The following SH3RF3 variants were observed in gnomAD, a reference collection of about 807,000 sequenced individuals.
SH3RF3 encodes SH3 domain containing ring finger 3.
Under a neutral mutation model 66.3 loss-of-function variants are expected in SH3RF3, and 29 were observed. The ratio of observed to expected loss-of-function variants is 0.44; its 90% CI spans 0.33 to 0.60. The LOEUF (loss-of-function observed/expected upper bound fraction) is 0.60. Ranked by LOEUF, SH3RF3 falls within the 20% of genes least tolerant of loss-of-function variation. The probability of loss-of-function intolerance (pLI) is 0.04; values close to 1 mark genes in which losing one functional copy is unlikely to be tolerated. For missense variants in SH3RF3, 1,194 were observed against 1,190.9 expected, an observed-to-expected ratio of 1.00 and a Z score of -0.04; for synonymous variants, 583 against 532.0, an observed-to-expected ratio of 1.10 and a Z score of -1.32.
At chr2:109,217,125 T>C (rs1442469162) in intron 1 of SH3RF3, among the ~76,000 whole-genome samples, 4 of 152,234 alleles carry the variant, frequency 2.6e-5, no homozygotes, top group African/African-American at 7.2e-5. Context: ...TCTTTAAGGC[T>C]AAATCCTATT....
chr2:109,456,374 C>T (rs546708527), intron 8 of SH3RF3, among the ~76,000 whole-genome samples: 21 of 152,344 alleles, frequency 1.4e-4, no homozygotes, highest in East Asian at 5.8e-4. Flanking sequence ...ATCCTGAAAG[C>T]GTGAATCCCA....
At chr2:109,404,471 CAG>C (rs1012670635) in intron 4 of SH3RF3, among the ~76,000 whole-genome samples, 2 of 152,126 alleles carry the variant, frequency 1.3e-5, no homozygotes. Flanking sequence ...GGGGCAGGGA[CAG>C]GGGACAGAAA....
intron 1 of SH3RF3, among the ~76,000 whole-genome samples, chr2:109,311,381 A>G (rs1326346324): frequency 2.3e-5 from 3 of 133,258 alleles, no homozygotes; most frequent in African/African-American, 8.7e-5. Context: ...CCCACAGCCA[A>G]TATCATACTG....
chr2:109,484,825 A>G lies in SH3RF3; in HGVS notation c.2149-5780A>G, dbSNP rs111735082. The stretch of plus-strand genomic sequence containing the variant: ...CTGTTTATTTCTGTGCTTTCCTGGG[A>G]CTGTCTGCAGGTGCTCCCAGGCCTC... On this transcript the variant is annotated intron_variant, in intron 8 of 9. Transcript: ENST00000309415. Among the ~76,000 whole-genome samples, 46 of 152,190 alleles carry G rather than the reference A, an allele frequency of 3.0e-4. 1 individual carries two copies. Among genetic ancestry groups the G allele is most frequent in the African/African-American group, 8.7e-4 (36 of 41,514 alleles).
chr2:109,490,985 TG>T (rs1478841162), intron 9 of SH3RF3, 49 bp downstream of exon 9: 100 of 1,400,016 alleles, frequency 7.1e-5, no homozygotes, highest in Admixed American at 5.7e-5. Context: ...GTTTGGCCTC[TG>T]AGGTCTGGAG....
chr2:109,416,471 G>A (rs751448405), intron 4 of SH3RF3, among the ~76,000 whole-genome samples: 38 of 152,052 alleles, frequency 2.5e-4, no homozygotes, highest in African/African-American at 4.8e-4. Flanking sequence ...TGCAACTTCC[G>A]CCTCCTGGGT....
intron 1 of SH3RF3, among the ~76,000 whole-genome samples, chr2:109,138,869 G>A (rs1013033617): frequency 3.9e-5 from 6 of 152,188 alleles, no homozygotes; most frequent in African/African-American, 1.4e-4. Flanking sequence ...TTAAGCACTG[G>A]AATATACATT....
intron 9 of SH3RF3, among the ~76,000 whole-genome samples, chr2:109,499,921 G>A (rs189509423): frequency 2.0e-5 from 3 of 152,330 alleles, no homozygotes; most frequent in Admixed American, 2.0e-4. Context: ...ACAAGTGACT[G>A]GGGGTTTCCA....
chr2:109,331,832 A>G (rs1682293632), intron 1 of SH3RF3, among the ~76,000 whole-genome samples: 1 of 152,182 alleles, frequency 6.6e-6, no homozygotes, highest in African/African-American at 2.4e-5. Context: ...GATCTTTGCC[A>G]GGGGCACCCT....
intron 3 of SH3RF3, among the ~76,000 whole-genome samples, chr2:109,391,385 G>C (rs1446660481): frequency 3.3e-5 from 5 of 152,224 alleles, no homozygotes. Context: ...CCATGTGCTG[G>C]AGGGATGCAG....
At chr2:109,192,427 C>T (rs900860748) in intron 1 of SH3RF3, among the ~76,000 whole-genome samples, 26 of 152,252 alleles carry the variant, frequency 1.7e-4, no homozygotes, top group Admixed American at 6.5e-4. Flanking sequence ...ATTAACTTCC[C>T]AATTATTAAG....
intron 4 of SH3RF3, among the ~76,000 whole-genome samples, chr2:109,400,527 GCAGATACACA>G (rs1676281969): frequency 6.6e-6 from 1 of 151,136 alleles, no homozygotes; most frequent in South Asian, 2.1e-4. Flanking sequence ...GTGCACACCT[GCAGATACACA>G]TGCACACACA....
intron 3 of SH3RF3, among the ~76,000 whole-genome samples, chr2:109,376,474 C>A (rs547292487): frequency 1.3e-5 from 2 of 152,268 alleles, no homozygotes; most frequent in Admixed American, 6.5e-5. Flanking sequence ...TTAGCAAATA[C>A]GCCAGTGATT....
intron 3 of SH3RF3, among the ~76,000 whole-genome samples, chr2:109,381,386 C>T (rs1675662410): frequency 6.6e-6 from 1 of 152,222 alleles, no homozygotes; most frequent in Non-Finnish European, 1.5e-5. Flanking sequence ...GTTACTTTTA[C>T]ACCTAACTTT....
At chr2:109,301,037 G>A (rs1681454341) in intron 1 of SH3RF3, among the ~76,000 whole-genome samples, 1 of 152,334 alleles carries the variant, frequency 6.6e-6, no homozygotes, top group South Asian at 2.1e-4. Flanking sequence ...TGAAAGTTGG[G>A]AGACTTCAAT....
At chr2:109,433,665 A>T (rs573662040) in intron 6 of SH3RF3, among the ~76,000 whole-genome samples, 5 of 152,322 alleles carry the variant, frequency 3.3e-5, no homozygotes, top group South Asian at 2.1e-4. Flanking sequence ...CTCGGGACAC[A>T]TGCGGTGTTG....
At chr2:109,254,132 C>T (rs781519714) in intron 1 of SH3RF3, among the ~76,000 whole-genome samples, 1 of 152,128 alleles carries the variant, frequency 6.6e-6, no homozygotes, top group African/African-American at 2.4e-5. Context: ...CTCACCAACC[C>T]CTCTAGCAAG....
chr2:109,138,064 G>A (rs1372767736), intron 1 of SH3RF3, among the ~76,000 whole-genome samples: 1 of 152,132 alleles, frequency 6.6e-6, no homozygotes, highest in Non-Finnish European at 1.5e-5. Flanking sequence ...TACCCTAGCT[G>A]GAGTGCAGTG....
chr2:109,413,478 C>T (rs2104496111), intron 4 of SH3RF3, among the ~76,000 whole-genome samples: 1 of 152,256 alleles, frequency 6.6e-6, no homozygotes, highest in Admixed American at 6.5e-5. Context: ...TTTTTTCCTG[C>T]CCTGTCTCTG....
Sources: allele counts gnomAD v4.1 joint callset (sites outside exome capture counted in the v4.1 genomes callset), GRCh38; gene constraint gnomAD v4.1.1; transcripts MANE v1.5; gene names NCBI Gene and HGNC (gene_info 2026-07-23, HGNC 2026-07-21).